SH3BP5: variants seen among roughly 807,000 people sequenced by gnomAD.
The protein encoded by SH3BP5 is SH3 domain binding protein 5, also known as SH3 domain-binding protein 5.
A neutral mutation model predicts 43.3 loss-of-function variants in SH3BP5; 22 were observed. The observed-to-expected ratio is 0.51, with a 90% CI of 0.36 to 0.73. The LOEUF is 0.73. SH3BP5 is among the 30% of genes least tolerant of loss of function. The pLI, the probability that SH3BP5 is intolerant of heterozygous loss-of-function variation, is 0.00. For synonymous variants in SH3BP5, 255 were observed against 225.8 expected (o/e 1.13, Z -1.16); for missense variants, 529 against 586.9 (o/e 0.90, Z 1.02).
At chr3:15,313,713 T>G (rs2125124257) in intron 2 of SH3BP5, among the ~76,000 whole-genome samples, 1 of 152,324 alleles carries the variant, frequency 6.6e-6, no homozygotes, top group East Asian at 1.9e-4. Context: ...CGATGACATG[T>G]GCTACATCTG....
intron 3 of SH3BP5, among the ~76,000 whole-genome samples, chr3:15,287,173 C>G (rs139623008): frequency 1.3e-5 from 2 of 152,188 alleles, no homozygotes; most frequent in East Asian, 3.8e-4. Context: ...AGAAAAGGCA[C>G]GCAGTAAGCA....
At position 15,256,590 on chromosome 3, in the gene SH3BP5, C is replaced by T. The variant is rs545241544; in HGVS notation, c.1150+263G>A. The T allele has an allele frequency of 2.3e-4, 135 of 593,204 alleles. 2 individuals are homozygous for T. In the South Asian group the frequency reaches 2.7e-3, roughly 12 times the overall value. The allele number at this position is 593,204 out of a possible 1,614,324, so 36.7% of individuals were successfully genotyped here. On this transcript the variant is annotated intron_variant, in intron 8 of 8. Transcript: ENST00000383791. ...CACTTTATTGCTGAGAAACAAACCTCTCTACTATGTGCTTGCCAAGGAGAC... is the reference window on the plus strand; with the variant it reads ...CACTTTATTGCTGAGAAACAAACCTTTCTACTATGTGCTTGCCAAGGAGAC...
At chr3:15,314,838 C>T in intron 2 of SH3BP5, among the ~76,000 whole-genome samples, 1 of 152,174 alleles carries the variant, frequency 6.6e-6, no homozygotes, top group East Asian at 1.9e-4. Flanking sequence ...TTTCTTTTCC[C>T]ATCTCAGTCC....
intron 3 of SH3BP5, among the ~76,000 whole-genome samples, chr3:15,296,877 AAAAG>A (rs200923432): frequency 0.04 from 6,022 of 150,466 alleles, 416 homozygotes; most frequent in African/African-American, 0.14. Flanking sequence ...AAAAAAAAAA[AAAAG>A]AAATGGTGTC....
intron 2 of SH3BP5, among the ~76,000 whole-genome samples, chr3:15,329,954 G>C (rs986283429): frequency 3.9e-5 from 6 of 152,188 alleles, no homozygotes; most frequent in Admixed American, 1.3e-4. Context: ...AGCAGGAAAG[G>C]CCTTCCCAGT....
chr3:15,334,967 A>G (rs1387640316), upstream of SH3BP5, among the ~76,000 whole-genome samples: 1 of 151,634 alleles, frequency 6.6e-6, no homozygotes, highest in Non-Finnish European at 1.5e-5. Context: ...ATATATATAT[A>G]TAAATAATAA....
chr3:15,332,343 G>C lies in SH3BP5; in HGVS notation c.66C>G (p.Asp22Glu), dbSNP rs989801080. 1 of 1,542,944 alleles carries C rather than the reference G, an allele frequency of 6.5e-7. No homozygotes were observed. Among genetic ancestry groups the C allele is most frequent in the Middle Eastern group, 1.7e-4 (1 of 5,998 alleles). ...TCCCCTCTTCCTCCTCCTCCTCCTCGTCCCGGGCAGGCGGCAGGATTTCGG... is the reference window on the plus strand; with the variant it reads ...TCCCCTCTTCCTCCTCCTCCTCCTCCTCCCGGGCAGGCGGCAGGATTTCGG... ...EPAEILPPAR[D>E]EEEEEEEGME... Residue 22 changes from aspartate (D) to glutamate (E), a missense_variant, in exon 1 of 9, where the codon GAC becomes GAG. By Grantham distance (45) the Asp-to-Glu change is conservative (BLOSUM62 2). Coordinates refer to ENST00000383791, the MANE Select transcript of SH3BP5 (RefSeq NM_004844.5).
At chr3:15,261,700 GAAAAA>G (rs11327793) in intron 5 of SH3BP5, among the ~76,000 whole-genome samples, 2 of 142,800 alleles carry the variant, frequency 1.4e-5, no homozygotes, top group African/African-American at 5.0e-5. Flanking sequence ...AGAGATTGGA[GAAAAA>G]AAAAAAAACT....
intron 3 of SH3BP5, among the ~76,000 whole-genome samples, chr3:15,270,954 C>A (rs1401681417): frequency 1.4e-5 from 2 of 148,094 alleles, no homozygotes; most frequent in African/African-American, 2.5e-5. Context: ...TGATTAATCC[C>A]AATTGAATGT....
At chr3:15,258,760 A>C in intron 7 of SH3BP5, 71 bp downstream of exon 7, 1 of 1,381,452 alleles carries the variant, frequency 7.2e-7, no homozygotes, top group Non-Finnish European at 1.0e-6. Context: ...GGCCAGAGAA[A>C]GTGAGGACCT....
intron 1 of SH3BP5, among the ~76,000 whole-genome samples, chr3:15,338,232 A>G (rs1206113908): frequency 6.6e-6 from 1 of 151,932 alleles, no homozygotes; most frequent in Non-Finnish European, 1.5e-5. Flanking sequence ...AGTCCTAACT[A>G]CTCCAGAGGC....
At chr3:15,297,602 C>A (rs528364825) in intron 3 of SH3BP5, among the ~76,000 whole-genome samples, 2 of 152,150 alleles carry the variant, frequency 1.3e-5, no homozygotes, top group Admixed American at 1.3e-4. Context: ...GGCCCCATGA[C>A]TGACTTTAGC....
chr3:15,281,427 A>G (rs1207819871), intron 3 of SH3BP5, among the ~76,000 whole-genome samples: 1 of 152,126 alleles, frequency 6.6e-6, no homozygotes, highest in Non-Finnish European at 1.5e-5. Flanking sequence ...TCTTGGGTCT[A>G]CAACCTTGAA....
intron 3 of SH3BP5, among the ~76,000 whole-genome samples, chr3:15,294,555 T>G (rs1406243085): frequency 6.6e-6 from 1 of 152,050 alleles, no homozygotes; most frequent in Non-Finnish European, 1.5e-5. Context: ...CACATTCTCT[T>G]AGATTAGGCC....
exon 1 of SH3BP5, chr3:15,341,290 C>T (rs1559466357): frequency 6.6e-6 from 1 of 152,518 alleles, no homozygotes; most frequent in Non-Finnish European, 1.5e-5. Flanking sequence ...ATCGCTATCT[C>T]CTCCAGGGCA....
intron 3 of SH3BP5, among the ~76,000 whole-genome samples, chr3:15,280,069 C>T (rs746410298): frequency 6.6e-6 from 1 of 152,122 alleles, no homozygotes; most frequent in Non-Finnish European, 1.5e-5. Flanking sequence ...GCTAGTTAGC[C>T]GACTGATGTC....
chr3:15,333,343 G>T, upstream of SH3BP5: 1 of 894,202 alleles, frequency 1.1e-6, no homozygotes, highest in Non-Finnish European at 1.3e-6. Flanking sequence ...GGATGACCTT[G>T]GCAAAGCAGA....
At chr3:15,258,758 A>G in intron 7 of SH3BP5, 73 bp downstream of exon 7, 2 of 1,367,788 alleles carry the variant, frequency 1.5e-6, no homozygotes, top group East Asian at 4.6e-5. Context: ...ATGGCCAGAG[A>G]AAGTGAGGAC....
At chr3:15,315,158 T>C (rs1054306846) in intron 2 of SH3BP5, among the ~76,000 whole-genome samples, 2 of 150,368 alleles carry the variant, frequency 1.3e-5, no homozygotes, top group African/African-American at 4.9e-5. Context: ...GGAGAGGCAC[T>C]ATTAATAACT....
Sources: allele counts gnomAD v4.1 joint callset (sites outside exome capture counted in the v4.1 genomes callset), GRCh38; gene constraint gnomAD v4.1.1; transcripts MANE v1.5; gene names NCBI Gene and HGNC (gene_info 2026-07-23, HGNC 2026-07-21).